The following ZNF185 variants were observed in gnomAD, a reference collection of about 807,000 sequenced individuals.
ZNF185 encodes zinc finger protein 185.
A neutral mutation model predicts 58.6 loss-of-function variants in ZNF185; 56 were observed. The ratio of observed to expected loss-of-function variants is 0.95; its 90% CI spans 0.77 to 1.19. The LOEUF is 1.19. Among genes scored for constraint, ZNF185 ranks in the 50% most tolerant of loss-of-function variants. The probability of loss-of-function intolerance (pLI) is 0.00; values close to 1 mark genes in which losing one functional copy is unlikely to be tolerated. For synonymous variants in ZNF185, 230 were observed against 215.9 expected, an observed-to-expected ratio of 1.07 and a Z score of -0.57; for missense variants, 627 against 573.5, an observed-to-expected ratio of 1.09 and a Z score of -0.95.
In ZNF185 at chrX:152,922,270, C is replaced by T. The variant is rs1939887485; in HGVS notation, c.740+14C>T. ...TGGCTCAAACAGGTAATCCATTGCG[C>T]TCATCTCTGCCTGGGGCTGGTGGCT... On this transcript the variant is annotated intron_variant, in intron 10 of 22. Coordinates refer to ENST00000449285, the Ensembl canonical transcript of ZNF185. 2.6e-6 allele frequency: 3 copies of T among 1,165,130 alleles called. No individual in the cohort carries two copies. Among genetic ancestry groups the T allele is most frequent in the East Asian group, 3.2e-5 (1 of 31,059 alleles).
intron 11 of ZNF185, among the ~76,000 whole-genome samples, chrX:152,925,679 C>T (rs1940724860): frequency 8.9e-6 from 1 of 111,904 alleles, no homozygotes; most frequent in Non-Finnish European, 1.9e-5. Context: ...CTGGACCAAG[C>T]AGCCACCATC....
chrX:152,942,879 G>A (rs1277374493), intron 15 of ZNF185, among the ~76,000 whole-genome samples: 2 of 111,389 alleles, frequency 1.8e-5, no homozygotes, highest in African/African-American at 3.3e-5. Context: ...GCCGAGGCGG[G>A]AAGACCACTT....
rs782489289 is a variant in ZNF185, at chrX:152,917,389, G to A, written c.341+27G>A. 6.7e-5 allele frequency: 81 copies of A among 1,201,685 alleles called. No individual in the cohort carries two copies. The South Asian group carries it at 1.3e-3, about 19-fold the overall frequency. ...TATGTCCATGGGGTGTTGGCCAGTC[G>A]GCCAGTGGGGAGGTGTGAGGGCCTG... is the stretch of plus-strand genomic sequence containing the variant. On this transcript the variant is annotated intron_variant, in intron 5 of 22. Transcript: ENST00000449285.
At chrX:152,920,730 C>T in exon 9 of ZNF185, 1 of 1,211,932 alleles carries the variant, frequency 8.3e-7, no homozygotes, top group South Asian at 1.8e-5. Flanking sequence ...GAGACACAGG[C>T]ACCGTTTATC....
Position 152,937,830 on chromosome X carries a change from A to T in ZNF185, c.1122-244A>T, listed in dbSNP as rs528546230. Among the ~76,000 whole-genome samples the T allele has an allele frequency of 2.6e-4, 29 of 112,411 alleles. No individual in the cohort carries two copies. In the South Asian group the frequency reaches 9.9e-3, roughly 38 times the overall value. ...CCAAAACCAGGAGACTTCCCCAGGG[A>T]ACCCAAGTTGGTCAGGGGCAGTGTT... On this transcript the variant is annotated intron_variant, in intron 14 of 22. Transcript: ENST00000449285.
exon 23 of ZNF185, chrX:152,972,420 C>T (rs1258727756): frequency 3.6e-5 from 4 of 110,526 alleles, no homozygotes; most frequent in African/African-American, 1.3e-4. Flanking sequence ...AAATCACACT[C>T]TTCCTCTGGG....
exon 9 of ZNF185, chrX:152,920,733 C>T (rs782183263): frequency 2.5e-6 from 3 of 1,211,804 alleles, no homozygotes; most frequent in African/African-American, 1.7e-5. Flanking sequence ...ACACAGGCAC[C>T]GTTTATCGCG....
the ZNF185 span, among the ~76,000 whole-genome samples, chrX:152,898,924 G>A: frequency 3.6e-5 from 4 of 112,522 alleles, no homozygotes; most frequent in Admixed American, 9.3e-5. Context: ...GAAAGCTCAG[G>A]TGCTCCTGCC....
the ZNF185 span, among the ~76,000 whole-genome samples, chrX:152,900,120 C>T: frequency 8.9e-6 from 1 of 112,498 alleles, no homozygotes; most frequent in African/African-American, 3.2e-5. Flanking sequence ...CTCAGCCTCC[C>T]TCAGCCTGAC....
At chrX:152,954,158 T>C (rs2048580626) in intron 16 of ZNF185, among the ~76,000 whole-genome samples, 1 of 110,676 alleles carries the variant, frequency 9.0e-6, no homozygotes, top group Non-Finnish European at 1.9e-5. Flanking sequence ...AAGCCTTTTT[T>C]TTTCAGTAGG....
intron 16 of ZNF185, among the ~76,000 whole-genome samples, chrX:152,959,013 G>C (rs1556907429): frequency 8.9e-6 from 1 of 112,555 alleles, no homozygotes; most frequent in Non-Finnish European, 1.9e-5. Context: ...TGGTTGTTTT[G>C]GGCGAGATCG....
chrX:152,935,402 AT>A (rs1407897242), intron 14 of ZNF185, among the ~76,000 whole-genome samples: 1 of 108,383 alleles, frequency 9.2e-6, no homozygotes, highest in African/African-American at 3.4e-5. Flanking sequence ...CGCCCGGCTA[AT>A]TTTTTGTATT....
chrX:152,920,702 T>C lies in ZNF185; in HGVS notation c.615-5T>C. 8.3e-7 allele frequency: 1 copy of C among 1,211,965 alleles called. No individual in the cohort carries two copies. Among genetic ancestry groups the C allele is most frequent in the Non-Finnish European group, 1.1e-6 (1 of 895,444 alleles). On this transcript the variant is annotated splice_region_variant and splice_polypyrimidine_tract_variant and intron_variant, in intron 8 of 22. Transcript: ENST00000449285. ...CAAAGCATTGCCTTTCTGCTTCCTT[T>C]CCAGCAGTCCTACCCAGGAGACACA...
chrX:152,938,095 T>C, exon 15 of ZNF185: 2 of 1,180,369 alleles, frequency 1.7e-6, no homozygotes, highest in East Asian at 6.3e-5. Context: ...CTTCAGTCTC[T>C]GCTGTCCCTG....
chrX:152,901,659 C>T, the ZNF185 span, among the ~76,000 whole-genome samples: 4 of 111,344 alleles, frequency 3.6e-5, no homozygotes, highest in Non-Finnish European at 5.6e-5. Context: ...GAGGGACTTG[C>T]TCAAGTGCCA....
intron 16 of ZNF185, among the ~76,000 whole-genome samples, chrX:152,946,873 T>C (rs1556895624): frequency 9.1e-6 from 1 of 110,404 alleles, no homozygotes; most frequent in Non-Finnish European, 1.9e-5. Flanking sequence ...GGCTGAGGAG[T>C]GTGACCCACA....
At chrX:152,918,890 A>G in intron 6 of ZNF185, 93 bp from the exon 8 acceptor site, 1 of 641,357 alleles carries the variant, frequency 1.6e-6, no homozygotes, top group Non-Finnish European at 2.5e-6. Context: ...AGGCAGAGAT[A>G]TTGACTTGCC....
chrX:152,926,291 A>G (rs1398539474), intron 11 of ZNF185, among the ~76,000 whole-genome samples: 1 of 112,740 alleles, frequency 8.9e-6, no homozygotes, highest in African/African-American at 3.2e-5. Context: ...AGGCTGTCCC[A>G]AATGCTAAAT....
intron 16 of ZNF185, among the ~76,000 whole-genome samples, chrX:152,957,073 ATTT>A (rs34728203): frequency 2.1e-5 from 2 of 97,415 alleles, no homozygotes; most frequent in African/African-American, 7.6e-5. Flanking sequence ...TACAAGGTTA[ATTT>A]TTTTTTTTTT....
Sources: allele counts gnomAD v4.1 joint callset (sites outside exome capture counted in the v4.1 genomes callset), GRCh38; gene constraint gnomAD v4.1.1; transcripts MANE v1.5; gene names NCBI Gene and HGNC (gene_info 2026-07-23, HGNC 2026-07-21).